ADAM7: variants seen among roughly 807,000 people sequenced by gnomAD.
The protein encoded by ADAM7 is ADAM metallopeptidase domain 7.
A neutral mutation model predicts 102.9 loss-of-function variants in ADAM7; 97 were observed. The observed-to-expected ratio is 0.94, with a 90% CI of 0.80 to 1.12. The LOEUF (loss-of-function observed/expected upper bound fraction) is 1.12, where lower values mean the gene tolerates loss of function less well. Ranked by LOEUF, ADAM7 falls within the 50% of genes most tolerant of loss-of-function variation. The pLI, the probability that ADAM7 is intolerant of heterozygous loss-of-function variation, is 0.00. For synonymous variants in ADAM7, 334 were observed against 304.4 expected, an observed-to-expected ratio of 1.10 and a Z score of -1.01; for missense variants, 991 against 908.7, an observed-to-expected ratio of 1.09 and a Z score of -1.16.
At chr8:24,463,856 C>G in intron 3 of ADAM7, 26 bp from the exon 4 acceptor site, 1 of 1,588,754 alleles carries the variant, frequency 6.3e-7, no homozygotes, top group South Asian at 1.1e-5. Flanking sequence ...GAACAAATCT[C>G]ACCACCTGTC....
At chr8:24,486,739 G>T (rs1820157491) in intron 10 of ADAM7, among the ~76,000 whole-genome samples, 1 of 152,000 alleles carries the variant, frequency 6.6e-6, no homozygotes, top group Non-Finnish European at 1.5e-5. Context: ...TCTTTTATAA[G>T]GGCATTAATC....
rs3071035 is a variant in ADAM7 at position 24,501,612 on chromosome 8, A to ATT, written c.2208+47_2208+48dup. On this transcript the variant is annotated intron_variant, in intron 20 of 21. Coordinates refer to ENST00000175238, the MANE Select transcript of ADAM7 (RefSeq NM_003817.4). ...TCCATTTGCAACAGTTAATTTATTG[A>ATT]TTTTTTTTTTTTAAGTAGCTGAATG... The ATT allele has an allele frequency of 8.6e-4, 1,138 of 1,318,054 alleles. 3 individuals are homozygous for ATT. The African/African-American group carries it at 0.014, about 16-fold the overall frequency. The allele number at this position is 1,318,054 out of a possible 1,614,324, so 81.6% of individuals were successfully genotyped here. A position where few individuals can be genotyped will look rare whatever the true frequency, so the allele number is the denominator to read the frequency against.
intron 7 of ADAM7, chr8:24,475,823 T>C (rs958489664): frequency 2.5e-6 from 1 of 404,432 alleles, no homozygotes; most frequent in Admixed American, 2.9e-5. Context: ...TGATAATTGA[T>C]ACAAGATCCC....
At chr8:24,463,698 C>T (rs987977956) in intron 3 of ADAM7, among the ~76,000 whole-genome samples, 184 bp from the exon 4 acceptor site, 2 of 152,124 alleles carry the variant, frequency 1.3e-5, no homozygotes, top group African/African-American at 4.8e-5. Flanking sequence ...TCTTTATGAA[C>T]CATGATATTT....
intron 13 of ADAM7, among the ~76,000 whole-genome samples, chr8:24,491,669 C>G (rs1215027609): frequency 2.0e-5 from 3 of 152,134 alleles, no homozygotes; most frequent in African/African-American, 7.2e-5. Context: ...TACATCCCAA[C>G]TCTCCCTAAG....
In ADAM7 at chr8:24,501,616, T is replaced by C. The variant is rs779803377; in HGVS notation, c.2208+40T>C. The C allele has an allele frequency of 3.3e-6, 5 of 1,509,534 alleles. No homozygotes were observed. In the South Asian group the frequency reaches 3.7e-5, roughly 11 times the overall value. The allele number at this position is 1,509,534 out of a possible 1,614,324, so 93.5% of individuals were successfully genotyped here. A position where few individuals can be genotyped will look rare whatever the true frequency, so the allele number is the denominator to read the frequency against. On this transcript the variant is annotated intron_variant, in intron 20 of 21. Coordinates refer to ENST00000175238, the MANE Select transcript of ADAM7 (RefSeq NM_003817.4). Reference sequence around the variant, plus strand: ...TTTGCAACAGTTAATTTATTGATTTTTTTTTTTTAAGTAGCTGAATGTGTT... The same window carrying C: ...TTTGCAACAGTTAATTTATTGATTTCTTTTTTTTAAGTAGCTGAATGTGTT...
intron 16 of ADAM7, among the ~76,000 whole-genome samples, chr8:24,497,035 G>A (rs1415671060): frequency 6.6e-6 from 1 of 152,168 alleles, no homozygotes; most frequent in Non-Finnish European, 1.5e-5. Flanking sequence ...GACCCACTGG[G>A]AGGTAAGTGA....
At chr8:24,445,780 C>A (rs1818536691) in intron 2 of ADAM7, among the ~76,000 whole-genome samples, 1 of 152,180 alleles carries the variant, frequency 6.6e-6, no homozygotes, top group Non-Finnish European at 1.5e-5. Context: ...TTTACTCCTT[C>A]CCACTTTGTC....
In ADAM7 at chr8:24,442,578, T is replaced by C; in HGVS notation, c.156+2T>C. ...CACACCCATGATGATGACATACTGGTACAAGTTTTGATTTAGTAAATAAGA... is the reference window on the plus strand; with the variant it reads ...CACACCCATGATGATGACATACTGGCACAAGTTTTGATTTAGTAAATAAGA... On this transcript the variant is annotated splice_donor_variant, in intron 2 of 21. Transcript: ENST00000175238. LOFTEE classifies it high-confidence loss of function. The C allele has an allele frequency of 2.5e-6, 4 of 1,608,956 alleles. No homozygotes were observed. The highest frequency in any genetic ancestry group is 3.4e-6 in the Non-Finnish European group (4 of 1,175,256).
intron 16 of ADAM7, among the ~76,000 whole-genome samples, chr8:24,498,164 T>G (rs1033060065): frequency 6.6e-5 from 10 of 151,876 alleles, no homozygotes; most frequent in African/African-American, 2.2e-4. Flanking sequence ...ACAAACTCCA[T>G]AAGACTTTTG....
intron 16 of ADAM7, among the ~76,000 whole-genome samples, chr8:24,497,607 G>A (rs1820604419): frequency 6.6e-6 from 1 of 152,014 alleles, no homozygotes; most frequent in Admixed American, 6.6e-5. Context: ...ATTCATTACA[G>A]ATTTAATATG....
chr8:24,482,256 T>C lies in ADAM7; in HGVS notation c.820T>C (p.Trp274Arg), dbSNP rs1194613491. ...AACTACCTTATTGCGTTTTTCATTT[T>C]GGCAAGAAAAGATCCTTAAAACACG... ...IETTLLRFSF[W>R]QEKILKTRKD... The change falls in exon 9 of 22, where the codon TGG becomes CGG. Residue 274 changes from tryptophan (W) to arginine (R), a missense_variant. Trp to Arg is a moderately radical substitution (Grantham distance 101, BLOSUM62 -3). Coordinates refer to ENST00000175238, the MANE Select transcript of ADAM7 (RefSeq NM_003817.4). The C allele has an allele frequency of 6.2e-7, 1 of 1,611,700 alleles. No homozygotes were observed. Among genetic ancestry groups the C allele is most frequent in the Non-Finnish European group, 8.5e-7 (1 of 1,179,280 alleles).
chr8:24,466,960 A>G lies in ADAM7; in HGVS notation c.551A>G (p.Asn184Ser). The G allele has an allele frequency of 6.2e-7, 1 of 1,614,048 alleles. No individual in the cohort carries two copies. Among genetic ancestry groups the G allele is most frequent in the Non-Finnish European group, 8.5e-7 (1 of 1,179,956 alleles). The change falls in exon 6 of 22, where the codon AAT becomes AGT. Residue 184 changes from asparagine (N) to serine (S), a missense_variant. Transcript: ENST00000175238. ...NFTRKTVPGD[N>S]ESEEDSKIKG... is the part of the protein sequence containing the mutation. ...ACCAGAAAAACTGTTCCAGGGGATA[A>G]TGAATCTGAAGAAGACTCCAAAATA...
At chr8:24,468,640 TG>T in intron 6 of ADAM7, 126 bp from the exon 7 acceptor site, 1 of 744,102 alleles carries the variant, frequency 1.3e-6, no homozygotes, top group Non-Finnish European at 2.3e-6. Flanking sequence ...TATATTCATA[TG>T]CCTCCCCATT....
chr8:24,467,059 A>C, intron 6 of ADAM7, 71 bp downstream of exon 6: 8 of 1,403,800 alleles, frequency 5.7e-6, no homozygotes, highest in Non-Finnish European at 8.0e-6. Context: ...CTAGGGATAA[A>C]GTATGAGTCC....
chr8:24,509,261 C>G lies in ADAM7; in HGVS notation c.*715C>G. The G allele has an allele frequency of 2.3e-5, 23 of 985,408 alleles. No homozygotes were observed. Among genetic ancestry groups the G allele is most frequent in the Non-Finnish European group, 2.8e-5 (23 of 829,952 alleles). 61.0% of individuals were successfully genotyped at this position (985,408 alleles called of 1,614,324 possible). A position where few individuals can be genotyped will look rare whatever the true frequency, so the allele number is the denominator to read the frequency against. On this transcript the variant is annotated 3_prime_UTR_variant, in exon 22 of 22. Transcript: ENST00000175238. ...TACTCCAAGTGAGAGGACATACTCACAACTCCTATGAAGGGTTTCTAAGGT... is the reference window on the plus strand; with the variant it reads ...TACTCCAAGTGAGAGGACATACTCAGAACTCCTATGAAGGGTTTCTAAGGT...
chr8:24,491,554 T>C (rs2129392121), intron 13 of ADAM7, among the ~76,000 whole-genome samples: 1 of 152,186 alleles, frequency 6.6e-6, no homozygotes, highest in Middle Eastern at 3.4e-3. Context: ...AAGCAGGGGT[T>C]CCCAATTCGA....
chr8:24,485,475 T>C (rs1820109908), intron 10 of ADAM7, 114 bp downstream of exon 10: 2 of 842,714 alleles, frequency 2.4e-6, no homozygotes, highest in Non-Finnish European at 3.7e-6. Flanking sequence ...CTCACTAAGA[T>C]ATGTCATGAA....
At chr8:24,476,596 G>T in intron 8 of ADAM7, 92 bp downstream of exon 8, 1 of 896,716 alleles carries the variant, frequency 1.1e-6, no homozygotes, top group Non-Finnish European at 1.7e-6. Context: ...GTAGTTACCT[G>T]ATATTAAGGG....
Sources: allele counts gnomAD v4.1 joint callset (sites outside exome capture counted in the v4.1 genomes callset), GRCh38; gene constraint gnomAD v4.1.1; transcripts MANE v1.5; gene names NCBI Gene and HGNC (gene_info 2026-07-23, HGNC 2026-07-21).